Variants in PLCB4 observed in about 807,000 individuals in gnomAD.
PLCB4 encodes the protein 1-phosphatidylinositol 4,5-bisphosphate phosphodiesterase beta-4.
PLCB4 carries 77 observed loss-of-function variants against 178.8 expected under a neutral mutation model. The observed-to-expected ratio is 0.43, with a 90% confidence interval of 0.36 to 0.52. The LOEUF is 0.52. PLCB4 is among the 20% of genes least tolerant of loss of function. The pLI is 0.00. For synonymous variants in PLCB4, 496 were observed against 490.8 expected, an observed-to-expected ratio of 1.01 and a Z score of -0.14; for missense variants, 1,024 against 1,453.4, an observed-to-expected ratio of 0.70 and a Z score of 4.80.
chr20:9,414,881 T>G (rs1455262662), intron 25 of PLCB4, among the ~76,000 whole-genome samples: 1 of 152,236 alleles, frequency 6.6e-6, no homozygotes, highest in Non-Finnish European at 1.5e-5. Context: ...TGGTATGACA[T>G]TTTATGATTC....
chr20:9,194,000 C>CT (rs35490634), intron 2 of PLCB4, among the ~76,000 whole-genome samples: 27 of 150,778 alleles, frequency 1.8e-4, no homozygotes, highest in African/African-American at 2.2e-4. Context: ...GCATGAACTG[C>CT]TTTTTTTTTT....
At chr20:9,206,299 CTTTTTTTTTTTTTT>C (rs71184138) in intron 2 of PLCB4, among the ~76,000 whole-genome samples, 4 of 96,128 alleles carry the variant, frequency 4.2e-5, no homozygotes, top group South Asian at 3.8e-4. Context: ...TTTCTTTTTT[CTTTTTTTTTTTTTT>C]TTTTTTTTTG....
intron 20 of PLCB4, among the ~76,000 whole-genome samples, chr20:9,404,782 G>A (rs1015513550): frequency 6.6e-6 from 1 of 152,118 alleles, no homozygotes; most frequent in African/African-American, 2.4e-5. Context: ...TTCCTAATGT[G>A]GGGGGCCTTC....
At chr20:9,444,072 C>T in intron 31 of PLCB4, 42 bp downstream of exon 31, 1 of 1,454,106 alleles carries the variant, frequency 6.9e-7, no homozygotes, top group Non-Finnish European at 9.6e-7. Flanking sequence ...TTGTATTACA[C>T]ATATTGGTGA....
In PLCB4 at chr20:9,480,131, A is replaced by G. The variant is rs2044793173; in HGVS notation, c.*1122A>G. ...TATTTATGCAGATTTTCAGAATTTC[A>G]TATCAGGAAATGACCTTTTTATGTC... On this transcript the variant is annotated 3_prime_UTR_variant, in exon 40 of 40. Coordinates refer to ENST00000378473, the MANE Select transcript of PLCB4 (RefSeq NM_001377142.1). 1.3e-5 allele frequency: 2 copies of G among 152,634 alleles called. No homozygotes were observed. Among genetic ancestry groups the G allele is most frequent in the Non-Finnish European group, 2.9e-5 (2 of 68,042 alleles). 9.5% of individuals were successfully genotyped at this position (152,634 alleles called of 1,614,324 possible). A position where few individuals can be genotyped will look rare whatever the true frequency, so the allele number is the denominator to read the frequency against.
chr20:9,312,823 T>C (rs770130429), intron 4 of PLCB4, among the ~76,000 whole-genome samples: 19 of 152,314 alleles, frequency 1.2e-4, no homozygotes, highest in Non-Finnish European at 2.6e-4. Context: ...GTCAATTAGA[T>C]ACAAAACTGG....
chr20:9,149,229 G>T (rs752507672), intron 2 of PLCB4, among the ~76,000 whole-genome samples: 72 of 152,108 alleles, frequency 4.7e-4, no homozygotes, highest in Non-Finnish European at 8.1e-4. Flanking sequence ...CTCCACAGCA[G>T]CCTGATCTCC....
chr20:9,088,761 G>A (rs543268374), intron 1 of PLCB4, among the ~76,000 whole-genome samples: 2 of 152,194 alleles, frequency 1.3e-5, no homozygotes, highest in African/African-American at 2.4e-5. Context: ...GGTCAGGTTG[G>A]CCTATATAAA....
intron 19 of PLCB4, among the ~76,000 whole-genome samples, chr20:9,397,230 C>G (rs1355790532): frequency 1.3e-5 from 2 of 152,198 alleles, no homozygotes; most frequent in African/African-American, 2.4e-5. Flanking sequence ...CTTCTTTGCT[C>G]ATTCACAAGA....
At chr20:9,431,274 CCTT>C (rs976728808) in intron 28 of PLCB4, among the ~76,000 whole-genome samples, 4 of 151,934 alleles carry the variant, frequency 2.6e-5, no homozygotes, top group Admixed American at 1.3e-4. Flanking sequence ...ATGTTCTCTC[CCTT>C]CTTATAGCGA....
At chr20:9,455,681 G>A (rs2043013451) in intron 33 of PLCB4, among the ~76,000 whole-genome samples, 3 of 152,052 alleles carry the variant, frequency 2.0e-5, no homozygotes, top group South Asian at 2.1e-4. Context: ...GCTGTCAAAC[G>A]CAGCACTCCT....
chr20:9,433,026 T>C (rs1361361782), intron 28 of PLCB4, among the ~76,000 whole-genome samples: 1 of 152,088 alleles, frequency 6.6e-6, no homozygotes, highest in African/African-American at 2.4e-5. Flanking sequence ...GCAGTATGAA[T>C]GCAGAGATCG....
intron 2 of PLCB4, among the ~76,000 whole-genome samples, chr20:9,158,600 CAA>C (rs376763905): frequency 1.3e-5 from 2 of 149,424 alleles, no homozygotes; most frequent in Non-Finnish European, 3.0e-5. Context: ...TTTAACCGTA[CAA>C]AACAGTATTT....
At chr20:9,449,611 CAAAATCCAAAACTAAAA>C (rs1456340750) in intron 32 of PLCB4, among the ~76,000 whole-genome samples, 2 of 152,154 alleles carry the variant, frequency 1.3e-5, no homozygotes, top group African/African-American at 2.4e-5. Context: ...AAAAACAAAA[CAAAATCCAAAACTAAAA>C]ACTACATCTG....
At chr20:9,091,013 T>C (rs1342800479) in intron 1 of PLCB4, among the ~76,000 whole-genome samples, 7 of 152,180 alleles carry the variant, frequency 4.6e-5, no homozygotes, top group African/African-American at 1.4e-4. Flanking sequence ...ATATGTTGTA[T>C]TCATAGACAC....
At chr20:9,477,075 C>G (rs2044595753) in intron 39 of PLCB4, among the ~76,000 whole-genome samples, 1 of 152,196 alleles carries the variant, frequency 6.6e-6, no homozygotes, top group African/African-American at 2.4e-5. Context: ...AAGACAGGGT[C>G]ACAGAGTCAG....
At chr20:9,254,996 C>G (rs2094218825) in intron 3 of PLCB4, among the ~76,000 whole-genome samples, 1 of 152,146 alleles carries the variant, frequency 6.6e-6, no homozygotes, top group Non-Finnish European at 1.5e-5. Context: ...TCTGCAATCA[C>G]TCTAGTCAGT....
intron 2 of PLCB4, among the ~76,000 whole-genome samples, chr20:9,105,853 A>G: frequency 6.6e-6 from 1 of 152,248 alleles, no homozygotes; most frequent in Middle Eastern, 3.4e-3. Flanking sequence ...TAAATTTATG[A>G]TAAAAATCTA....
chr20:9,205,353 A>G (rs2093603565), intron 2 of PLCB4, among the ~76,000 whole-genome samples: 1 of 152,206 alleles, frequency 6.6e-6, no homozygotes, highest in African/African-American at 2.4e-5. Flanking sequence ...TGTTAAATGT[A>G]TTTTTGACTT....
Sources: allele counts gnomAD v4.1 joint callset (sites outside exome capture counted in the v4.1 genomes callset), GRCh38; gene constraint gnomAD v4.1.1; transcripts MANE v1.5; gene names NCBI Gene and HGNC (gene_info 2026-07-23, HGNC 2026-07-21).